Variants in PDE8A observed in about 807,000 individuals in gnomAD.
The protein encoded by PDE8A is phosphodiesterase 8A, also known as high affinity cAMP-specific and IBMX-insensitive 3',5'-cyclic phosphodiesterase 8A.
Under a neutral mutation model 105.0 loss-of-function variants are expected in PDE8A, and 59 were observed. That is an observed-to-expected ratio of 0.56 (90% CI 0.46 to 0.70). The LOEUF (loss-of-function observed/expected upper bound fraction) is 0.70, where lower values mean the gene tolerates loss of function less well. PDE8A is among the 30% of genes least tolerant of loss of function. The pLI, the probability that PDE8A is intolerant of heterozygous loss-of-function variation, is 0.00. For synonymous variants in PDE8A, 355 were observed against 371.9 expected (o/e 0.95, Z 0.52); for missense variants, 1,014 against 1,045.9 (o/e 0.97, Z 0.42).
chr15:84,999,731 C>A (rs2080037892), intron 1 of PDE8A, among the ~76,000 whole-genome samples: 1 of 152,132 alleles, frequency 6.6e-6, no homozygotes, highest in Admixed American at 6.5e-5. Flanking sequence ...GGCACCAGTA[C>A]ACCCAGCTAA....
chr15:85,116,408 T>A, intron 16 of PDE8A: 1 of 364,338 alleles, frequency 2.7e-6, no homozygotes. Context: ...TAGGTGGTAA[T>A]ATGTTAAGAT....
chr15:85,073,343 C>T (rs1596491299), intron 3 of PDE8A, among the ~76,000 whole-genome samples: 1 of 152,198 alleles, frequency 6.6e-6, no homozygotes, highest in African/African-American at 2.4e-5. Flanking sequence ...TGTTTTCTAG[C>T]CCGTTCTTCC....
At chr15:85,051,876 G>T (rs1042804441) in intron 1 of PDE8A, among the ~76,000 whole-genome samples, 8 of 152,070 alleles carry the variant, frequency 5.3e-5, no homozygotes, top group African/African-American at 1.9e-4. Flanking sequence ...CAATGTGCAG[G>T]TTTGTTACAT....
In PDE8A at chr15:85,027,117, C is replaced by A. The variant is rs570630764; in HGVS notation, c.187-37253C>A. Among the ~76,000 whole-genome samples, 26 of 152,220 alleles carry A rather than the reference C, an allele frequency of 1.7e-4. 2 individuals are homozygous for A. The South Asian group carries it at 5.2e-3, about 30-fold the overall frequency. ...TGTAAGAACAAAAAGTCCTTTGGGACCTGTTTTCTTTGCCCTCCAGGACTC... is the reference window on the plus strand; with the variant it reads ...TGTAAGAACAAAAAGTCCTTTGGGAACTGTTTTCTTTGCCCTCCAGGACTC... On this transcript the variant is annotated intron_variant, in intron 1 of 21. Transcript: ENST00000394553.
chr15:84,984,922 C>CAA (rs34026921), intron 1 of PDE8A, among the ~76,000 whole-genome samples: 79 of 141,514 alleles, frequency 5.6e-4, no homozygotes, highest in African/African-American at 1.9e-3. Flanking sequence ...TTCCAAAAGC[C>CAA]AAAAAAAAAA....
At position 85,040,197 on chromosome 15, in the gene PDE8A, A is replaced by C. The variant is rs190905652; in HGVS notation, c.187-24173A>C. On this transcript the variant is annotated intron_variant, in intron 1 of 21. Coordinates refer to ENST00000394553, the MANE Select transcript of PDE8A (RefSeq NM_002605.3). ...ATGGTGTGCGCCTATAGTCCTAGCT[A>C]CTTGGGAGGCTGAGGCAGGAGGATC... Among the ~76,000 whole-genome samples, 5 of 152,188 alleles carry C rather than the reference A, an allele frequency of 3.3e-5. No homozygotes were observed. The East Asian group carries it at 9.7e-4, about 29-fold the overall frequency.
intron 5 of PDE8A, among the ~76,000 whole-genome samples, chr15:85,081,319 A>C (rs567324316): frequency 1.3e-5 from 2 of 152,322 alleles, no homozygotes; most frequent in East Asian, 3.9e-4. Context: ...TGCTGGGTGC[A>C]CATTAGAATC....
chr15:85,108,475 G>T (rs905053056), intron 11 of PDE8A, among the ~76,000 whole-genome samples: 1 of 152,164 alleles, frequency 6.6e-6, no homozygotes, highest in African/African-American at 2.4e-5. Context: ...TTGGTTTGGG[G>T]GTCAGGATTA....
intron 10 of PDE8A, 24 bp downstream of exon 10, chr15:85,100,090 G>A (rs763996599): frequency 5.6e-6 from 9 of 1,613,190 alleles, no homozygotes; most frequent in Non-Finnish European, 6.8e-6. Flanking sequence ...GCCCCCCGGG[G>A]CCCCAGGAAC....
At chr15:85,110,405 A>G (rs1231933295) in intron 12 of PDE8A, among the ~76,000 whole-genome samples, 1 of 152,218 alleles carries the variant, frequency 6.6e-6, no homozygotes, top group East Asian at 1.9e-4. Context: ...ACAATTCTGT[A>G]TGCTCATGTA....
chr15:85,108,108 C>T lies in PDE8A; in HGVS notation c.1037-945C>T, dbSNP rs372595704. 3.9e-4 allele frequency among the ~76,000 whole-genome samples: 59 copies of T among 152,236 alleles called. No individual in the cohort carries two copies. In the East Asian group the frequency reaches 4.8e-3, roughly 12 times the overall value. ...CCTTCAGATTTAGCAAAAAGGAGGT[C>T]GTTGGTGACCTTGACACATTCACTC... On this transcript the variant is annotated intron_variant, in intron 11 of 21. Coordinates refer to ENST00000394553, the MANE Select transcript of PDE8A (RefSeq NM_002605.3).
intron 1 of PDE8A, among the ~76,000 whole-genome samples, chr15:85,049,905 C>A (rs772916059): frequency 7.2e-5 from 11 of 152,020 alleles, no homozygotes; most frequent in African/African-American, 1.2e-4. Flanking sequence ...TGAGGAATTG[C>A]CATTCTGTTT....
chr15:85,026,755 G>A (rs1217839062), intron 1 of PDE8A, among the ~76,000 whole-genome samples: 2 of 152,156 alleles, frequency 1.3e-5, no homozygotes, highest in East Asian at 1.9e-4. Context: ...TTCCAGCCTG[G>A]CCCTGTCTCA....
At position 85,138,117 on chromosome 15, in the gene PDE8A, C is replaced by T. The variant is rs909276231; in HGVS notation, c.*214C>T. The T allele has an allele frequency of 1.0e-4, 50 of 485,188 alleles. No homozygotes were observed. Among genetic ancestry groups the T allele is most frequent in the Admixed American group, 5.1e-4 (15 of 29,176 alleles). The allele number at this position is 485,188 out of a possible 1,614,324, so 30.1% of individuals were successfully genotyped here. ...ACTTGGCCACTGTAGCCTGGGCCTG[C>T]TGCAGGAGCTCTTCAGAAAGGCACA... On this transcript the variant is annotated 3_prime_UTR_variant, in exon 22 of 22. Transcript: ENST00000394553.
At chr15:85,026,884 A>G (rs1043588659) in intron 1 of PDE8A, among the ~76,000 whole-genome samples, 1 of 152,184 alleles carries the variant, frequency 6.6e-6, no homozygotes, top group African/African-American at 2.4e-5. Context: ...TGTTTCAGTT[A>G]TGTGTGTCTG....
At chr15:85,046,812 G>A (rs1165858402) in intron 1 of PDE8A, among the ~76,000 whole-genome samples, 3 of 151,978 alleles carry the variant, frequency 2.0e-5, no homozygotes, top group African/African-American at 7.3e-5. Context: ...TAATAACTTT[G>A]CCTTCTAATA....
intron 3 of PDE8A, among the ~76,000 whole-genome samples, chr15:85,074,326 G>C (rs1002864569): frequency 1.3e-5 from 2 of 152,212 alleles, no homozygotes; most frequent in African/African-American, 4.8e-5. Context: ...GAGTTGAGTA[G>C]TTGTGACAAG....
At chr15:84,994,295 A>G (rs2079939690) in intron 1 of PDE8A, among the ~76,000 whole-genome samples, 2 of 152,198 alleles carry the variant, frequency 1.3e-5, no homozygotes, top group African/African-American at 4.8e-5. Flanking sequence ...CACTCACTTT[A>G]AAGTCCTATT....
intron 1 of PDE8A, among the ~76,000 whole-genome samples, chr15:85,026,957 A>C (rs1239380600): frequency 6.6e-6 from 1 of 152,208 alleles, no homozygotes; most frequent in Non-Finnish European, 1.5e-5. Flanking sequence ...TTTTTAAAAC[A>C]CTGCTTAACT....
Sources: gnomAD v4.1 joint callset for allele counts (sites outside exome capture counted in the v4.1 genomes callset) on GRCh38, gnomAD v4.1.1 for gene constraint, MANE v1.5 for transcripts, NCBI Gene and HGNC (gene_info 2026-07-23, HGNC 2026-07-21) for gene names.